The following ETFA variants were observed in gnomAD, a reference collection of about 807,000 sequenced individuals.
The protein encoded by ETFA is electron transfer flavoprotein subunit alpha, mitochondrial.
Under a neutral mutation model 46.2 loss-of-function variants are expected in ETFA, and 22 were observed. That is an observed-to-expected ratio of 0.48 (90% confidence interval 0.34 to 0.68). The LOEUF (loss-of-function observed/expected upper bound fraction) is 0.68. Among genes scored for constraint, ETFA ranks in the 30% least tolerant of loss-of-function variants. The pLI is 0.01. For missense variants in ETFA, 345 were observed against 401.1 expected (o/e 0.86, Z 1.19); for synonymous variants, 131 against 139.9 (o/e 0.94, Z 0.45).
At chr15:76,227,530 G>GAAAAAAAAAAAAAA (rs1567196426) in intron 10 of ETFA, among the ~76,000 whole-genome samples, 9 of 44,980 alleles carry the variant, frequency 2.0e-4, no homozygotes, top group Non-Finnish European at 2.0e-4. Flanking sequence ...AAAAAAAAAG[G>GAAAAAAAAAAAAAA]AAAAGCTATC....
At chr15:76,221,328 G>A (rs2038954319) in intron 11 of ETFA, among the ~76,000 whole-genome samples, 2 of 152,318 alleles carry the variant, frequency 1.3e-5, no homozygotes, top group South Asian at 4.1e-4. Flanking sequence ...TGGGGCTGGG[G>A]GCTGGAGATG....
At chr15:76,216,840 CTT>C (rs373144812) in intron 11 of ETFA, among the ~76,000 whole-genome samples, 6 of 89,278 alleles carry the variant, frequency 6.7e-5, no homozygotes, top group African/African-American at 1.9e-4. Flanking sequence ...TGCCTTTTGC[CTT>C]TTTTTTTTTT....
At chr15:76,258,892 C>G in intron 9 of ETFA, 1 of 841,514 alleles carries the variant, frequency 1.2e-6, no homozygotes, top group Non-Finnish European at 1.9e-6. Flanking sequence ...GCCTCCACAC[C>G]TTGCTGTCTG....
chr15:76,261,333 G>T (rs1567207195), intron 9 of ETFA: 5 of 1,392,050 alleles, frequency 3.6e-6, no homozygotes, highest in Non-Finnish European at 5.1e-6. Flanking sequence ...GGGAGATCTG[G>T]GTTTCGCCCC....
chr15:76,246,431 C>A (rs2039243350), intron 9 of ETFA, among the ~76,000 whole-genome samples: 1 of 152,252 alleles, frequency 6.6e-6, no homozygotes, highest in East Asian at 1.9e-4. Context: ...AAACAGACAG[C>A]CAACATAATA....
At chr15:76,267,033 T>C (rs935808901) in intron 9 of ETFA, among the ~76,000 whole-genome samples, 6 of 152,244 alleles carry the variant, frequency 3.9e-5, no homozygotes, top group Non-Finnish European at 7.3e-5. Context: ...TCATCTCTTT[T>C]CTACTTTACA....
In ETFA at chr15:76,260,274, C is replaced by T. The variant is rs1444561973; in HGVS notation, c.816+14138G>A. 1.4e-5 allele frequency: 17 copies of T among 1,174,276 alleles called. No individual in the cohort carries two copies. The East Asian group carries it at 4.0e-4, about 27-fold the overall frequency. 72.7% of individuals were successfully genotyped at this position (1,174,276 alleles called of 1,614,324 possible). A position where few individuals can be genotyped will look rare whatever the true frequency, so the allele number is the denominator to read the frequency against. Reference sequence around the variant, plus strand: ...TTCTTGATTGAAGGACCGGGCTGCCCAGAAGTGAATGGCTGGCTCTCCCCG... The same window carrying T: ...TTCTTGATTGAAGGACCGGGCTGCCTAGAAGTGAATGGCTGGCTCTCCCCG... On this transcript the variant is annotated intron_variant, in intron 9 of 11. Coordinates refer to ENST00000557943, the MANE Select transcript of ETFA (RefSeq NM_000126.4).
intron 9 of ETFA, chr15:76,259,511 G>A (rs12913096): frequency 0.44 from 358,855 of 820,540 alleles, 70,881 homozygotes; most frequent in Admixed American, 0.49. Context: ...TGTTTTCGAT[G>A]CCAGCGTATG....
intron 1 of ETFA, among the ~76,000 whole-genome samples, chr15:76,308,025 G>A (rs751057770): frequency 3.9e-5 from 6 of 151,918 alleles, no homozygotes; most frequent in Non-Finnish European, 8.8e-5. Context: ...AAACAAACAG[G>A]AGTCAGATTG....
chr15:76,288,920 C>CTTTTTTTTT lies in ETFA; in HGVS notation c.352-984_352-976dup, dbSNP rs35295593. On this transcript the variant is annotated intron_variant, in intron 4 of 11. Coordinates refer to ENST00000557943, the MANE Select transcript of ETFA (RefSeq NM_000126.4). ...TCAGTTAATTCTTCTTCTTCTTCTT[C>CTTTTTTTTT]TTTTTTTTTTTTTTTGGAAACAGGG... 3.1e-3 allele frequency among the ~76,000 whole-genome samples: 335 copies of CTTTTTTTTT among 109,788 alleles called. 5 individuals carry two copies. The highest frequency in any genetic ancestry group is 4.2e-3 in the Non-Finnish European group (239 of 56,810). The allele number at this position is 109,788 out of a possible 152,430, so 72.0% of individuals were successfully genotyped here.
intron 9 of ETFA, among the ~76,000 whole-genome samples, chr15:76,249,627 G>A (rs1299262981): frequency 2.6e-5 from 4 of 151,408 alleles, no homozygotes; most frequent in African/African-American, 9.7e-5. Flanking sequence ...ATTTTTAGTA[G>A]AGACGGGGTT....
rs191774904 is a variant in ETFA, at chr15:76,226,077, T to C, written c.883-148A>G. 4 of 616,432 alleles carry C rather than the reference T, an allele frequency of 6.5e-6. No homozygotes were observed. In the Admixed American group the frequency reaches 8.6e-5, roughly 13 times the overall value. The allele number at this position is 616,432 out of a possible 1,614,324, so 38.2% of individuals were successfully genotyped here. A position where few individuals can be genotyped will look rare whatever the true frequency, so the allele number is the denominator to read the frequency against. On this transcript the variant is annotated intron_variant, in intron 10 of 11. Coordinates refer to ENST00000557943, the MANE Select transcript of ETFA (RefSeq NM_000126.4). ...ATCTGTGTCAACACTGTAAATTTAT[T>C]AGAAATTTCCAGGTTGGAATGTAAT...
intron 9 of ETFA, among the ~76,000 whole-genome samples, chr15:76,236,449 A>G (rs1010989538): frequency 6.6e-6 from 1 of 152,222 alleles, no homozygotes; most frequent in African/African-American, 2.4e-5. Context: ...GCACAAATCC[A>G]AAATAATCAT....
chr15:76,277,433 G>A (rs188918905), intron 8 of ETFA, among the ~76,000 whole-genome samples: 9 of 152,092 alleles, frequency 5.9e-5, no homozygotes, highest in African/African-American at 2.2e-4. Flanking sequence ...AAGAGCTCCT[G>A]AAGGTAAAAT....
chr15:76,224,082 G>A (rs1015648453), intron 11 of ETFA, among the ~76,000 whole-genome samples: 1 of 152,178 alleles, frequency 6.6e-6, no homozygotes, highest in Non-Finnish European at 1.5e-5. Context: ...GGTTCAGAAA[G>A]TATTTAATTT....
intron 4 of ETFA, among the ~76,000 whole-genome samples, chr15:76,291,580 C>G (rs995063613): frequency 6.6e-6 from 1 of 151,722 alleles, no homozygotes; most frequent in Non-Finnish European, 1.5e-5. Context: ...GAAACCCCGT[C>G]TCTACTAAAA....
Position 76,292,411 on chromosome 15 carries a change from C to T in ETFA, c.351+20G>A. On this transcript the variant is annotated intron_variant, in intron 4 of 11. Transcript: ENST00000557943. ...CCTTTCAAGCAGTGATATCAGATTC[C>T]ACATTCTCAACCTTCTCACCTTTCC... The T allele has an allele frequency of 6.4e-7, 1 of 1,559,446 alleles. No homozygotes were observed. Among genetic ancestry groups the T allele is most frequent in the East Asian group, 2.2e-5 (1 of 44,614 alleles).
At chr15:76,305,322 T>A (rs1377594117) in intron 1 of ETFA, among the ~76,000 whole-genome samples, 1 of 152,250 alleles carries the variant, frequency 6.6e-6, no homozygotes, top group Non-Finnish European at 1.5e-5. Flanking sequence ...TATCTACCTC[T>A]CTGGCACACA....
Position 76,250,001 on chromosome 15 carries a change from T to C in ETFA, c.817-18603A>G, listed in dbSNP as rs137960017. Among the ~76,000 whole-genome samples the C allele has an allele frequency of 1.8e-3, 267 of 152,320 alleles. 3 individuals carry two copies. The highest frequency in any genetic ancestry group is 5.9e-3 in the African/African-American group (246 of 41,562). On this transcript the variant is annotated intron_variant, in intron 9 of 11. Transcript: ENST00000557943. ...GCAATTTCACCCCAAGGCATATTTC[T>C]CTAGTAAAACACTAACATACAAGTA...
Sources: gnomAD v4.1 joint callset for allele counts (sites outside exome capture counted in the v4.1 genomes callset) on GRCh38, gnomAD v4.1.1 for gene constraint, MANE v1.5 for transcripts, NCBI Gene and HGNC (gene_info 2026-07-23, HGNC 2026-07-21) for gene names.